The following BCL2L11 variants were observed in gnomAD, a reference collection of about 807,000 sequenced individuals.
BCL2L11 encodes BCL2 like 11.
In BCL2L11, 15 loss-of-function variants were observed where a neutral mutation model predicts 20.6. The ratio of observed to expected loss-of-function variants is 0.73; its 90% CI spans 0.49 to 1.12. The LOEUF is 1.12. Ranked by LOEUF, BCL2L11 falls within the 50% of genes most tolerant of loss-of-function variation. The pLI is 0.00. For missense variants in BCL2L11, 292 were observed against 260.9 expected, an observed-to-expected ratio of 1.12 and a Z score of -0.82; for synonymous variants, 108 against 92.8, an observed-to-expected ratio of 1.16 and a Z score of -0.94.
At chr2:111,140,320 A>G (rs1264690235) in intron 2 of BCL2L11, among the ~76,000 whole-genome samples, 1 of 152,244 alleles carries the variant, frequency 6.6e-6, no homozygotes, top group Non-Finnish European at 1.5e-5. Context: ...CACGTTCAAT[A>G]TAAGGATTTC....
chr2:111,135,631 T>C (rs1344395137), intron 2 of BCL2L11, among the ~76,000 whole-genome samples: 1 of 152,160 alleles, frequency 6.6e-6, no homozygotes, highest in African/African-American at 2.4e-5. Flanking sequence ...AGTTCTCTTT[T>C]GTTCTCTTTA....
intron 1 of BCL2L11, chr2:111,122,799 C>T: frequency 2.0e-6 from 2 of 985,294 alleles, no homozygotes; most frequent in Non-Finnish European, 1.2e-6. Context: ...GAGTCCCGGG[C>T]TTTGTCTCCT....
chr2:111,123,353 T>C (rs2071661403), intron 1 of BCL2L11: 8 of 985,486 alleles, frequency 8.1e-6, no homozygotes, highest in South Asian at 4.7e-5. Context: ...GCTCCTGTGC[T>C]CCGGCGTCCT....
intron 2 of BCL2L11, among the ~76,000 whole-genome samples, chr2:111,143,274 A>G (rs933626087): frequency 2.6e-5 from 4 of 152,182 alleles, no homozygotes; most frequent in African/African-American, 7.2e-5. Flanking sequence ...TCCCCAGAAG[A>G]ACACTGGCAG....
At chr2:111,129,717 A>G (rs1040753220) in intron 2 of BCL2L11, among the ~76,000 whole-genome samples, 1 of 152,234 alleles carries the variant, frequency 6.6e-6, no homozygotes, top group Admixed American at 6.5e-5. Context: ...GTCAAGATGC[A>G]GAACAACTCC....
intron 3 of BCL2L11, among the ~76,000 whole-genome samples, chr2:111,152,347 T>C (rs2077355463): frequency 6.6e-6 from 1 of 152,270 alleles, no homozygotes; most frequent in Non-Finnish European, 1.5e-5. Context: ...AGTGTCTCCC[T>C]GCTGCCAAGA....
chr2:111,146,014 T>G, intron 2 of BCL2L11: 2 of 984,776 alleles, frequency 2.0e-6, no homozygotes, highest in Non-Finnish European at 1.2e-6. Flanking sequence ...ACTTGCAGGA[T>G]TGGAGCTTTT....
At chr2:111,159,362 T>G (rs753120526) in intron 3 of BCL2L11, among the ~76,000 whole-genome samples, 2 of 152,186 alleles carry the variant, frequency 1.3e-5, no homozygotes, top group Non-Finnish European at 2.9e-5. Flanking sequence ...CACTCAGGGT[T>G]GTTGTGGGGA....
intron 2 of BCL2L11, chr2:111,131,233 G>C (rs941434164): frequency 8.8e-5 from 12 of 135,854 alleles, no homozygotes; most frequent in African/African-American, 2.4e-4. Flanking sequence ...GGGCGGGGGT[G>C]GGGGGGATGG....
Position 111,121,405 on chromosome 2 carries a change from C to G in BCL2L11, c.-14+217C>G, listed in dbSNP as rs139189044. Among the ~76,000 whole-genome samples the G allele has an allele frequency of 5.8e-4, 88 of 152,314 alleles. No individual in the cohort carries two copies. In the East Asian group the frequency reaches 0.016, roughly 27 times the overall value. ...AGAAAAGTCGTTCACGCGGAACCTG[C>G]AGGCTCTTGGCCGAAGTGCGGCTTG... is the stretch of plus-strand genomic sequence containing the variant. On this transcript the variant is annotated intron_variant, in intron 1 of 3. Coordinates refer to ENST00000393256, the MANE Select transcript of BCL2L11 (RefSeq NM_138621.5).
At chr2:111,145,827 T>G (rs1467907567) in intron 2 of BCL2L11, 7 of 269,660 alleles carry the variant, frequency 2.6e-5, no homozygotes, top group Non-Finnish European at 4.0e-5. Context: ...AAAAAATGAT[T>G]TCTAAGAAGT....
At chr2:111,161,340 T>C (rs1370310823) in intron 3 of BCL2L11, 12 of 1,499,472 alleles carry the variant, frequency 8.0e-6, no homozygotes, top group Non-Finnish European at 1.0e-5. Context: ...AAAACGCTTG[T>C]AATCAGGAAA....
intron 3 of BCL2L11, among the ~76,000 whole-genome samples, chr2:111,161,011 A>G (rs2150583117): frequency 6.6e-6 from 1 of 152,330 alleles, no homozygotes; most frequent in South Asian, 2.1e-4. Context: ...GTGCAGACTT[A>G]GCCTCCAGAC....
chr2:111,144,164 G>A (rs1003535983), intron 2 of BCL2L11, among the ~76,000 whole-genome samples: 1 of 152,220 alleles, frequency 6.6e-6, no homozygotes, highest in Non-Finnish European at 1.5e-5. Flanking sequence ...TGTTTTTGAA[G>A]CACTGTCTTG....
At chr2:111,146,735 TAGA>T (rs1311074586) in intron 2 of BCL2L11, among the ~76,000 whole-genome samples, 1 of 152,238 alleles carries the variant, frequency 6.6e-6, no homozygotes, top group African/African-American at 2.4e-5. Context: ...TCTATCCCCA[TAGA>T]AGATATTTTG....
chr2:111,142,001 A>G (rs2075898319), intron 2 of BCL2L11, among the ~76,000 whole-genome samples: 1 of 152,196 alleles, frequency 6.6e-6, no homozygotes, highest in African/African-American at 2.4e-5. Flanking sequence ...GCACCCGACC[A>G]GAACAATCCC....
chr2:111,159,562 G>A (rs1039080712), intron 3 of BCL2L11, among the ~76,000 whole-genome samples: 4 of 152,224 alleles, frequency 2.6e-5, no homozygotes, highest in African/African-American at 9.6e-5. Context: ...TGTTCAACCT[G>A]ACCAGTTCCC....
At chr2:111,121,440 G>C (rs569730480) in intron 1 of BCL2L11, among the ~76,000 whole-genome samples, 1 of 151,940 alleles carries the variant, frequency 6.6e-6, no homozygotes, top group Admixed American at 6.5e-5. Flanking sequence ...GGGACGGGAT[G>C]CTGCGCGCGG....
chr2:111,127,419 C>CTTTT (rs774187139), intron 2 of BCL2L11, among the ~76,000 whole-genome samples: 3 of 125,052 alleles, frequency 2.4e-5, no homozygotes, highest in Non-Finnish European at 3.4e-5. Flanking sequence ...TAATGGCTTT[C>CTTTT]TTTTTTTTTT....
Sources: allele counts gnomAD v4.1 joint callset (sites outside exome capture counted in the v4.1 genomes callset), GRCh38; gene constraint gnomAD v4.1.1; transcripts MANE v1.5; gene names NCBI Gene and HGNC (gene_info 2026-07-23, HGNC 2026-07-21).